The following SEMA5A variants were observed in gnomAD, a reference collection of about 807,000 sequenced individuals.
SEMA5A encodes the protein semaphorin 5A.
SEMA5A carries 55 observed loss-of-function variants against 135.5 expected under a neutral mutation model. That is an observed-to-expected ratio of 0.41 (90% confidence interval 0.33 to 0.51). The LOEUF (loss-of-function observed/expected upper bound fraction) is 0.51, where lower values mean the gene tolerates loss of function less well. Among genes scored for constraint, SEMA5A ranks in the 20% least tolerant of loss-of-function variants. SEMA5A has a pLI of 0.37. For synonymous variants in SEMA5A, 580 were observed against 546.5 expected, an observed-to-expected ratio of 1.06 and a Z score of -0.85; for missense variants, 1,290 against 1,419.9, an observed-to-expected ratio of 0.91 and a Z score of 1.47.
At chr5:9,121,320 G>T (rs1391577555) in intron 14 of SEMA5A, among the ~76,000 whole-genome samples, 6 of 152,124 alleles carry the variant, frequency 3.9e-5, no homozygotes. Flanking sequence ...TCAGGAGGGG[G>T]TCACTTTCAC....
At chr5:9,171,012 G>C (rs889613784) in intron 11 of SEMA5A, among the ~76,000 whole-genome samples, 14 of 152,106 alleles carry the variant, frequency 9.2e-5, no homozygotes, top group Non-Finnish European at 1.6e-4. Flanking sequence ...TGGGAGAGGG[G>C]TTGGAATTCC....
chr5:9,209,714 A>G (rs1308582117), intron 8 of SEMA5A, among the ~76,000 whole-genome samples: 2 of 152,218 alleles, frequency 1.3e-5, no homozygotes, highest in Non-Finnish European at 2.9e-5. Flanking sequence ...GAAGACCAAG[A>G]CACAGGGAGC....
chr5:9,279,434 T>C (rs1750430903), intron 5 of SEMA5A, among the ~76,000 whole-genome samples: 1 of 152,196 alleles, frequency 6.6e-6, no homozygotes, highest in African/African-American at 2.4e-5. Flanking sequence ...GATGTGACTT[T>C]GGACCTGGAT....
chr5:9,449,173 C>T (rs1380540623), intron 1 of SEMA5A, among the ~76,000 whole-genome samples: 3 of 152,084 alleles, frequency 2.0e-5, no homozygotes, highest in Admixed American at 6.5e-5. Context: ...AACATAAATG[C>T]CCATCAGTGA....
intron 1 of SEMA5A, among the ~76,000 whole-genome samples, chr5:9,438,331 A>G (rs1450588613): frequency 6.6e-6 from 1 of 152,144 alleles, no homozygotes; most frequent in African/African-American, 2.4e-5. Context: ...TTGTATTTTT[A>G]TTTACATACT....
At chr5:9,496,850 G>A (rs945355540) in intron 1 of SEMA5A, among the ~76,000 whole-genome samples, 2 of 152,164 alleles carry the variant, frequency 1.3e-5, no homozygotes, top group Admixed American at 1.3e-4. Flanking sequence ...AAGTCTATGA[G>A]GATCTTTTTA....
In SEMA5A at chr5:9,525,440, GA is replaced by G. The variant is rs774059520; in HGVS notation, c.-175+20143del. On this transcript the variant is annotated intron_variant, in intron 1 of 22. Transcript: ENST00000382496. ...ACTCCAGACATAAACTGGGACTTGAGAAAGAAGCTGAATTCTAATGAAGAAA... is the reference window on the plus strand; with the variant it reads ...ACTCCAGACATAAACTGGGACTTGAGAAGAAGCTGAATTCTAATGAAGAAA... Among the ~76,000 whole-genome samples, 440 of 152,306 alleles carry G rather than the reference GA, an allele frequency of 2.9e-3. 9 individuals carry two copies. The highest frequency in any genetic ancestry group is 7.7e-4 in the East Asian group (4 of 5,186).
At chr5:9,173,437 T>C (rs931395335) in intron 11 of SEMA5A, among the ~76,000 whole-genome samples, 34 of 152,144 alleles carry the variant, frequency 2.2e-4, no homozygotes, top group Non-Finnish European at 1.6e-4. Flanking sequence ...TTATATCTCA[T>C]AGTTCTAAAG....
chr5:9,104,632 A>C (rs1739807450), intron 16 of SEMA5A, among the ~76,000 whole-genome samples: 1 of 152,208 alleles, frequency 6.6e-6, no homozygotes, highest in African/African-American at 2.4e-5. Context: ...TCAAGTGTTC[A>C]TGCTTCATAT....
chr5:9,325,800 G>C, intron 4 of SEMA5A, among the ~76,000 whole-genome samples: 1 of 138,338 alleles, frequency 7.2e-6, no homozygotes. Context: ...ATTGGCCTCT[G>C]ATGAATATGA....
intron 3 of SEMA5A, among the ~76,000 whole-genome samples, chr5:9,361,695 G>A (rs1016382669): frequency 2.6e-5 from 4 of 152,116 alleles, no homozygotes; most frequent in African/African-American, 9.7e-5. Context: ...TACTAGGTTG[G>A]TGCAAAAGTA....
intron 1 of SEMA5A, among the ~76,000 whole-genome samples, chr5:9,488,884 T>C (rs1396806606): frequency 6.6e-6 from 1 of 152,198 alleles, no homozygotes; most frequent in Non-Finnish European, 1.5e-5. Context: ...ATGGACTATT[T>C]TCCTGTGTTC....
intron 1 of SEMA5A, among the ~76,000 whole-genome samples, chr5:9,461,753 A>G (rs539067753): frequency 2.3e-4 from 35 of 152,366 alleles, no homozygotes; most frequent in African/African-American, 7.9e-4. Context: ...ATAGTCCTGC[A>G]GAGACAACTA....
At chr5:9,259,495 G>C (rs2150511204) in intron 5 of SEMA5A, among the ~76,000 whole-genome samples, 1 of 150,596 alleles carries the variant, frequency 6.6e-6, no homozygotes, top group African/African-American at 2.4e-5. Context: ...TCTTGGAATA[G>C]GTGTGGTGTG....
At chr5:9,104,391 ATAACT>A (rs1295622795) in intron 16 of SEMA5A, among the ~76,000 whole-genome samples, 2 of 152,256 alleles carry the variant, frequency 1.3e-5, no homozygotes, top group African/African-American at 4.8e-5. Context: ...ATGTGTAGTT[ATAACT>A]TAATTTCAAT....
At chr5:9,436,220 T>C (rs1758025028) in intron 2 of SEMA5A, among the ~76,000 whole-genome samples, 1 of 152,184 alleles carries the variant, frequency 6.6e-6, no homozygotes, top group African/African-American at 2.4e-5. Flanking sequence ...CATTAGCTAA[T>C]AACTCTTCCT....
At position 9,273,525 on chromosome 5, in the gene SEMA5A, G is replaced by T. The variant is rs150711593; in HGVS notation, c.271-35635C>A. Among the ~76,000 whole-genome samples the T allele has an allele frequency of 2.8e-3, 433 of 151,958 alleles. 5 individuals are homozygous for T. Among genetic ancestry groups the T allele is most frequent in the African/African-American group, 0.01 (419 of 41,446 alleles). On this transcript the variant is annotated intron_variant, in intron 5 of 22. Coordinates refer to ENST00000382496, the MANE Select transcript of SEMA5A (RefSeq NM_003966.3). ...TACTCCTCGAAAAGAGCAACCCCAA[G>T]ACACATAAATGTCAGATTCACCAAG...
intron 16 of SEMA5A, among the ~76,000 whole-genome samples, chr5:9,072,933 C>A (rs1461232544): frequency 1.3e-5 from 2 of 152,118 alleles, no homozygotes; most frequent in African/African-American, 4.8e-5. Context: ...ATGACAGAAT[C>A]TGTAGTCAAC....
intron 1 of SEMA5A, among the ~76,000 whole-genome samples, chr5:9,506,705 A>G (rs551814202): frequency 6.6e-6 from 1 of 152,318 alleles, no homozygotes; most frequent in African/African-American, 2.4e-5. Flanking sequence ...AATTTATCAA[A>G]ACAAATTATT....
Sources: allele counts gnomAD v4.1 joint callset (sites outside exome capture counted in the v4.1 genomes callset), GRCh38; gene constraint gnomAD v4.1.1; transcripts MANE v1.5; gene names NCBI Gene and HGNC (gene_info 2026-07-23, HGNC 2026-07-21).